The following CYFIP2 variants were observed in gnomAD, a reference collection of about 807,000 sequenced individuals.
CYFIP2 encodes cytoplasmic FMR1 interacting protein 2.
Under a neutral mutation model 158.7 loss-of-function variants are expected in CYFIP2, and 29 were observed. The observed-to-expected ratio is 0.18, with a 90% CI of 0.14 to 0.25. CYFIP2 has a LOEUF of 0.25. Ranked by LOEUF, CYFIP2 falls within the 10% of genes least tolerant of loss-of-function variation. The pLI is 1.00. For synonymous variants in CYFIP2, 585 were observed against 617.6 expected, an observed-to-expected ratio of 0.95 and a Z score of 0.78; for missense variants, 852 against 1,639.5, an observed-to-expected ratio of 0.52 and a Z score of 8.29.
rs1767060984 is a variant in CYFIP2, at chr5:157,389,578, T to A, written c.3446+151T>A. 4.4e-6 allele frequency: 3 copies of A among 681,530 alleles called. No individual in the cohort carries two copies. The South Asian group carries it at 5.9e-5, about 13-fold the overall frequency. 42.2% of individuals were successfully genotyped at this position (681,530 alleles called of 1,614,324 possible). A position where few individuals can be genotyped will look rare whatever the true frequency, so the allele number is the denominator to read the frequency against. On this transcript the variant is annotated intron_variant, in intron 29 of 30. Transcript: ENST00000620254. ...GTTGAGTGTGTTGAGCTGACTGCAT[T>A]GGCAAGAAAGAGCCCAGTAAGGGTT...
chr5:157,274,743 C>G (rs1299437219), intron 1 of CYFIP2, among the ~76,000 whole-genome samples: 1 of 151,948 alleles, frequency 6.6e-6, no homozygotes, highest in Non-Finnish European at 1.5e-5. Flanking sequence ...TATTGTCTGT[C>G]CTTTTCATTA....
intron 28 of CYFIP2, among the ~76,000 whole-genome samples, chr5:157,388,597 A>T (rs138523863): frequency 6.6e-6 from 1 of 152,220 alleles, no homozygotes; most frequent in Non-Finnish European, 1.5e-5. Flanking sequence ...TACATTGTCA[A>T]TGTTTTTAAG....
At chr5:157,366,044 C>A (rs1379045649) in intron 26 of CYFIP2, among the ~76,000 whole-genome samples, 2 of 152,070 alleles carry the variant, frequency 1.3e-5, no homozygotes, top group African/African-American at 4.8e-5. Context: ...AGCTTCAAAG[C>A]AGTTTTCAAA....
Position 157,285,925 on chromosome 5 carries a change from A to G in CYFIP2, c.117+447A>G, listed in dbSNP as rs115878040. On this transcript the variant is annotated intron_variant, in intron 2 of 30. Transcript: ENST00000620254. ...TTGTTTGCTTTTGCCTAAGAGAGCA[A>G]AGCTTGTGATAAACCACCATCAGAT... Among the ~76,000 whole-genome samples, 145 of 152,320 alleles carry G rather than the reference A, an allele frequency of 9.5e-4. 1 individual carries two copies. The highest frequency in any genetic ancestry group is 3.4e-3 in the African/African-American group (140 of 41,562).
At chr5:157,287,996 G>C (rs777124753) in intron 3 of CYFIP2, among the ~76,000 whole-genome samples, 3 of 152,092 alleles carry the variant, frequency 2.0e-5, no homozygotes. Flanking sequence ...GGGAGGCTCA[G>C]GTGGGAGGAT....
intron 26 of CYFIP2, among the ~76,000 whole-genome samples, chr5:157,369,039 C>T (rs1183036280): frequency 6.6e-6 from 1 of 151,928 alleles, no homozygotes; most frequent in Non-Finnish European, 1.5e-5. Context: ...GCTGGGATCA[C>T]AAGCATGTGC....
intron 14 of CYFIP2, among the ~76,000 whole-genome samples, chr5:157,320,432 C>G (rs767659393): frequency 7.2e-5 from 11 of 152,212 alleles, no homozygotes; most frequent in African/African-American, 2.7e-4. Flanking sequence ...CCTTGGACAT[C>G]AGAACCATGT....
In CYFIP2 at chr5:157,311,736, C is replaced by A; in HGVS notation, c.1065C>A (p.Asp355Glu). The A allele has an allele frequency of 6.2e-7, 1 of 1,608,126 alleles. No homozygotes were observed. Among genetic ancestry groups the A allele is most frequent in the Non-Finnish European group, 8.5e-7 (1 of 1,177,344 alleles). ...ICEQMVQIRDDHIRFISELAR... is the reference protein window; with the variant it reads ...ICEQMVQIRDEHIRFISELAR... ...AGCAGATGGTTCAGATCCGGGATGA[C>A]CACATCCGCTTCATCTCCGAGCTCG... The change falls in exon 11 of 31, where the codon GAC (aspartate) becomes GAA (glutamate). Residue 355 changes from aspartate (D) to glutamate (E), a missense_variant. Physicochemically the swap from Asp to Glu is conservative, Grantham distance 45 (BLOSUM62 2). Coordinates refer to ENST00000620254, the MANE Select transcript of CYFIP2 (RefSeq NM_001037333.3). The surrounding 1 kb of genome is among the most constrained non-coding windows in gnomAD (Gnocchi z 4.7).
chr5:157,379,512 C>G (rs146034679), intron 26 of CYFIP2, among the ~76,000 whole-genome samples: 2 of 151,410 alleles, frequency 1.3e-5, no homozygotes, highest in South Asian at 4.2e-4. Flanking sequence ...AACTCTGTCT[C>G]TACAAAAAAA....
At chr5:157,301,959 A>G (rs984954993) in intron 6 of CYFIP2, among the ~76,000 whole-genome samples, 1 of 152,096 alleles carries the variant, frequency 6.6e-6, no homozygotes, top group Non-Finnish European at 1.5e-5. Context: ...TTACCCTCCT[A>G]AGTCAACTGT....
chr5:157,267,466 G>A (rs1227493709), intron 1 of CYFIP2, among the ~76,000 whole-genome samples: 1 of 152,214 alleles, frequency 6.6e-6, no homozygotes, highest in Non-Finnish European at 1.5e-5. Context: ...ATATCTTTGG[G>A]CAGGCCTGTG....
chr5:157,293,237 G>A (rs960813298), intron 3 of CYFIP2, among the ~76,000 whole-genome samples: 6 of 152,146 alleles, frequency 3.9e-5, no homozygotes, highest in Middle Eastern at 3.2e-3. Context: ...TGTATTTTTA[G>A]TAGAGACGGG....
In CYFIP2 at chr5:157,311,162, C is replaced by T. The variant is rs568290224; in HGVS notation, c.993-502C>T. ...TCAGAGTGGCCCTGGCTTCTCCCAC[C>T]ACAGTGTGCTTCCATGTTGCCAGGG... On this transcript the variant is annotated intron_variant, in intron 10 of 30. Transcript: ENST00000620254. The surrounding 1 kb of genome is among the most constrained non-coding windows in gnomAD (Gnocchi z 4.7). The T allele has an allele frequency of 2.2e-6, 1 of 449,726 alleles. No homozygotes were observed. The highest frequency in any genetic ancestry group is 1.6e-5 in the South Asian group (1 of 64,158). 27.9% of individuals were successfully genotyped at this position (449,726 alleles called of 1,614,324 possible). A position where few individuals can be genotyped will look rare whatever the true frequency, so the allele number is the denominator to read the frequency against.
intron 19 of CYFIP2, among the ~76,000 whole-genome samples, chr5:157,330,240 ATGTGTGTGTGTGTGTGTGTGTGTGTGTG>A (rs58447290): frequency 2.8e-5 from 4 of 144,420 alleles, no homozygotes; most frequent in South Asian, 2.2e-4. Context: ...GAGATTTAAA[ATGTGTGTGTGTGTGTGTGTGTGTGTGTG>A]TGTGTGTGTG....
In CYFIP2 at chr5:157,319,983, A is replaced by T. The variant is rs181396583; in HGVS notation, c.1523+55A>T. The T allele has an allele frequency of 1.9e-6, 3 of 1,582,576 alleles. No individual in the cohort carries two copies. The Admixed American group carries it at 5.1e-5, about 27-fold the overall frequency. ...TCAGACATAAGCATGCCAGGTACCCATCAGAGAGGATGTCCTGGCTCAGCC... is the reference window on the plus strand; with the variant it reads ...TCAGACATAAGCATGCCAGGTACCCTTCAGAGAGGATGTCCTGGCTCAGCC... On this transcript the variant is annotated intron_variant, in intron 14 of 30. Coordinates refer to ENST00000620254, the MANE Select transcript of CYFIP2 (RefSeq NM_001037333.3).
At chr5:157,322,734 T>A (rs960501494) in intron 15 of CYFIP2, among the ~76,000 whole-genome samples, 1 of 152,174 alleles carries the variant, frequency 6.6e-6, no homozygotes, top group South Asian at 2.1e-4. Flanking sequence ...ATGGGGGAGA[T>A]CCCAGGGAAG....
At chr5:157,373,833 T>C (rs991833613) in intron 26 of CYFIP2, among the ~76,000 whole-genome samples, 1 of 152,220 alleles carries the variant, frequency 6.6e-6, no homozygotes, top group Non-Finnish European at 1.5e-5. Flanking sequence ...GGTGGAGTTA[T>C]ACATTTTTTC....
At chr5:157,319,377 G>A (rs569336460) in intron 13 of CYFIP2, among the ~76,000 whole-genome samples, 6 of 152,336 alleles carry the variant, frequency 3.9e-5, no homozygotes, top group African/African-American at 1.2e-4. Flanking sequence ...GTGAGTGCCT[G>A]GTCTATGGAG....
chr5:157,349,491 A>T (rs1344153720), intron 23 of CYFIP2, among the ~76,000 whole-genome samples: 1 of 152,230 alleles, frequency 6.6e-6, no homozygotes, highest in Non-Finnish European at 1.5e-5. Flanking sequence ...TGATGTATAC[A>T]TGCCACATTT....
Sources: allele counts gnomAD v4.1 joint callset (sites outside exome capture counted in the v4.1 genomes callset), GRCh38; gene constraint gnomAD v4.1.1; non-coding constraint Gnocchi (gnomAD v3.1); transcripts MANE v1.5; gene names NCBI Gene and HGNC (gene_info 2026-07-23, HGNC 2026-07-21).